UTP20: variants seen among roughly 807,000 people sequenced by gnomAD.
UTP20 encodes small subunit processome component 20 homolog.
UTP20 carries 164 observed loss-of-function variants against 329.5 expected under a neutral mutation model. The ratio of observed to expected loss-of-function variants is 0.50; its 90% CI spans 0.44 to 0.57. UTP20 has a LOEUF of 0.57. UTP20 is among the 20% of genes least tolerant of loss of function. The pLI, the probability that UTP20 is intolerant of heterozygous loss-of-function variation, is 0.00. For missense variants in UTP20, 3,055 were observed against 3,284.2 expected (o/e 0.93, Z 1.71); for synonymous variants, 1,151 against 1,159.3 (o/e 0.99, Z 0.14).
chr12:101,308,070 A>C, intron 17 of UTP20, 115 bp from the exon 18 acceptor site: 1 of 925,074 alleles, frequency 1.1e-6, no homozygotes. Flanking sequence ...TATTTCATTA[A>C]AAATATTAAC....
intron 60 of UTP20, among the ~76,000 whole-genome samples, chr12:101,384,039 TAATTAACAAATAGGC>T (rs1870748212): frequency 6.6e-6 from 1 of 151,936 alleles, no homozygotes; most frequent in African/African-American, 2.4e-5. Context: ...TATATCAAGA[TAATTAACAAATAGGC>T]ATATTTGTAT....
chr12:101,340,256 T>C (rs935996709), intron 31 of UTP20, among the ~76,000 whole-genome samples: 2 of 152,194 alleles, frequency 1.3e-5, no homozygotes, highest in Non-Finnish European at 2.9e-5. Context: ...CTAACCCACC[T>C]ATTCACCTGT....
chr12:101,380,348 CAGTCTGGGCA>C (rs945526622), intron 57 of UTP20, among the ~76,000 whole-genome samples: 3 of 151,824 alleles, frequency 2.0e-5, no homozygotes, highest in Non-Finnish European at 4.4e-5. Flanking sequence ...CACTGCACTC[CAGTCTGGGCA>C]AGACCGAGAT....
chr12:101,371,563 A>G (rs1341327551), intron 51 of UTP20, among the ~76,000 whole-genome samples: 2 of 114,792 alleles, frequency 1.7e-5, no homozygotes, highest in East Asian at 5.0e-4. Flanking sequence ...ACGGAGTCTC[A>G]CTCTGTCACC....
chr12:101,377,898 G>A (rs1411305806), intron 56 of UTP20, among the ~76,000 whole-genome samples: 1 of 152,180 alleles, frequency 6.6e-6, no homozygotes, highest in Non-Finnish European at 1.5e-5. Flanking sequence ...GAACTTTGTT[G>A]ATGGTTAAAT....
chr12:101,373,746 C>T lies in UTP20; in HGVS notation c.7110C>T (p.Thr2370=). ...EKKDWLFDMV[T]TWFGAKKRLN... is the part of the protein sequence containing the mutation. Reference sequence around the variant, plus strand: ...AAGATTGGCTGTTTGATATGGTTACCACTTGGTTTGGAGCAAAAAAGGTGT... The same window carrying T: ...AAGATTGGCTGTTTGATATGGTTACTACTTGGTTTGGAGCAAAAAAGGTGT... The change falls in exon 54 of 62, where the codon ACC becomes ACT. Residue 2370 remains threonine (T), a synonymous_variant. Coordinates refer to ENST00000261637, the MANE Select transcript of UTP20 (RefSeq NM_014503.3). 6.2e-7 allele frequency: 1 copy of T among 1,611,422 alleles called. No individual in the cohort carries two copies. The highest frequency in any genetic ancestry group is 2.2e-5 in the East Asian group (1 of 44,882).
rs142225766 is a variant in UTP20 at position 101,370,877 on chromosome 12, C to T, written c.6688-181C>T. On this transcript the variant is annotated intron_variant, in intron 50 of 61. Coordinates refer to ENST00000261637, the MANE Select transcript of UTP20 (RefSeq NM_014503.3). The stretch of plus-strand genomic sequence containing the variant: ...ATTTTAAAAAATTCACCATTTTTAC[C>T]CATTTGAAGTGTTATGTTTAAGGGT... Among the ~76,000 whole-genome samples, 7 of 152,144 alleles carry T rather than the reference C, an allele frequency of 4.6e-5. No individual in the cohort carries two copies. In the East Asian group the frequency reaches 1.2e-3, roughly 25 times the overall value.
intron 16 of UTP20, 128 bp from the exon 17 acceptor site, chr12:101,306,571 C>T: frequency 2.7e-6 from 2 of 744,910 alleles, no homozygotes; most frequent in South Asian, 2.2e-5. Flanking sequence ...CTAGAATAGG[C>T]ACATATTACT....
chr12:101,305,963 T>C lies in UTP20; in HGVS notation c.1830T>C (p.Tyr610=), dbSNP rs1445502486. ...PSVLLLTDLY[Y]QRLALCGCKG... ...TGTTGCTGTTGACTGATCTCTATTA[T>C]CAGAGATTAGCCTTGTGTGGCTGCA... The change falls in exon 16 of 62, where the codon TAT becomes TAC. Residue 610 remains tyrosine, a synonymous_variant. Coordinates refer to ENST00000261637, the MANE Select transcript of UTP20 (RefSeq NM_014503.3). 2 of 1,613,848 alleles carry C rather than the reference T, an allele frequency of 1.2e-6. No individual in the cohort carries two copies. The highest frequency in any genetic ancestry group is 2.2e-5 in the South Asian group (2 of 91,012).
chr12:101,375,481 C>G, intron 55 of UTP20, 143 bp from the exon 56 acceptor site: 1 of 778,058 alleles, frequency 1.3e-6, no homozygotes, highest in Non-Finnish European at 2.0e-6. Flanking sequence ...TGGCAGCCCC[C>G]ACAGGAAAGG....
chr12:101,346,345 T>C (rs1869323083), intron 37 of UTP20, 106 bp from the exon 38 acceptor site: 1 of 1,360,836 alleles, frequency 7.3e-7, no homozygotes, highest in Non-Finnish European at 9.8e-7. Context: ...CCACCGCACC[T>C]GGCCACTCCT....
rs1025051818 is a variant in UTP20 at position 101,335,904 on chromosome 12, A to G, written c.3641+1400A>G. 6.6e-5 allele frequency among the ~76,000 whole-genome samples: 10 copies of G among 152,244 alleles called. No individual in the cohort carries two copies. The East Asian group carries it at 9.6e-4, about 15-fold the overall frequency. ...ATTGGACATTTGTAAGCGACACTTC[A>G]TAGGCTTACTTGAGAAATGTTGTAT... On this transcript the variant is annotated intron_variant, in intron 29 of 61. Coordinates refer to ENST00000261637, the MANE Select transcript of UTP20 (RefSeq NM_014503.3).
intron 12 of UTP20, among the ~76,000 whole-genome samples, chr12:101,298,229 A>G (rs1459806430): frequency 6.6e-6 from 1 of 152,174 alleles, no homozygotes; most frequent in African/African-American, 2.4e-5. Flanking sequence ...GGGGAAAGGA[A>G]TGTGGTGAGG....
intron 46 of UTP20, among the ~76,000 whole-genome samples, 157 bp from the exon 47 acceptor site, chr12:101,366,401 T>C (rs1870095373): frequency 6.6e-6 from 1 of 152,166 alleles, no homozygotes. Flanking sequence ...TAATCTCTTC[T>C]GTATCTCATG....
chr12:101,285,791 A>T lies in UTP20; in HGVS notation c.236A>T (p.Asn79Ile). ...GTTATTGACAAATGCCAATCATTCA[A>T]TCAGTTGGTGTATCACCAAAACGAG... Reference protein sequence around the residue: ...KEVIDKCQSFNQLVYHQNEIV... With the variant: ...KEVIDKCQSFIQLVYHQNEIV... The change falls in exon 4 of 62, where the codon AAT becomes ATT. Residue 79 changes from asparagine (N) to isoleucine (I), a missense_variant. Asn to Ile is a moderately radical substitution (Grantham distance 149, BLOSUM62 -3). Coordinates refer to ENST00000261637, the MANE Select transcript of UTP20 (RefSeq NM_014503.3). The T allele has an allele frequency of 6.2e-7, 1 of 1,613,844 alleles. No individual in the cohort carries two copies. Among genetic ancestry groups the T allele is most frequent in the Middle Eastern group, 1.7e-4 (1 of 6,058 alleles).
intron 32 of UTP20, 51 bp from the exon 33 acceptor site, chr12:101,342,395 A>G: frequency 6.9e-7 from 1 of 1,446,138 alleles, no homozygotes. Flanking sequence ...GTATAAGTTG[A>G]CCAGTTTATA....
At chr12:101,381,298 G>A (rs1870638125) in intron 58 of UTP20, 87 bp downstream of exon 58, 12 of 1,150,992 alleles carry the variant, frequency 1.0e-5, no homozygotes, top group South Asian at 6.3e-5. Context: ...TTGAGAGGCC[G>A]AGGCGGCCAG....
In UTP20 at chr12:101,365,865, A is replaced by G. The variant is rs563792600; in HGVS notation, c.6125+240A>G. On this transcript the variant is annotated intron_variant, in intron 46 of 61. Transcript: ENST00000261637. ...ATTTTTTAAAAAGATTTATTGATTCAAAGATAGGATAGATTTTAAATCTGT... is the reference window on the plus strand; with the variant it reads ...ATTTTTTAAAAAGATTTATTGATTCGAAGATAGGATAGATTTTAAATCTGT... Among the ~76,000 whole-genome samples, 7 of 152,354 alleles carry G rather than the reference A, an allele frequency of 4.6e-5. No individual in the cohort carries two copies. In the South Asian group the frequency reaches 1.2e-3, roughly 27 times the overall value.
At chr12:101,321,086 G>A (rs1294873165) in intron 24 of UTP20, 149 bp downstream of exon 24, 6 of 668,086 alleles carry the variant, frequency 9.0e-6, no homozygotes, top group African/African-American at 3.7e-5. Flanking sequence ...AAATGAAAAC[G>A]AGTAGTATAT....
Sources: allele counts gnomAD v4.1 joint callset (sites outside exome capture counted in the v4.1 genomes callset), GRCh38; gene constraint gnomAD v4.1.1; transcripts MANE v1.5; gene names NCBI Gene and HGNC (gene_info 2026-07-23, HGNC 2026-07-21).